CTNNA3: variants seen among roughly 807,000 people sequenced by gnomAD.
CTNNA3 encodes catenin alpha 3.
CTNNA3 carries 76 observed loss-of-function variants against 95.7 expected under a neutral mutation model. The ratio of observed to expected loss-of-function variants is 0.79; its 90% confidence interval spans 0.66 to 0.96. The LOEUF is 0.96. Among genes scored for constraint, CTNNA3 ranks in the 40% least tolerant of loss-of-function variants. The pLI is 0.00. For missense variants in CTNNA3, 1,191 were observed against 1,089.8 expected, an observed-to-expected ratio of 1.09 and a Z score of -1.31; for synonymous variants, 431 against 374.4, an observed-to-expected ratio of 1.15 and a Z score of -1.74.
intron 2 of CTNNA3, among the ~76,000 whole-genome samples, chr10:67,645,509 C>T (rs1462515487): frequency 3.3e-5 from 5 of 152,008 alleles, no homozygotes; most frequent in African/African-American, 1.2e-4. Context: ...TTCCCTATTC[C>T]TACTCCTTAT....
chr10:66,822,120 T>C (rs1308743522), intron 7 of CTNNA3, among the ~76,000 whole-genome samples: 2 of 149,344 alleles, frequency 1.3e-5, no homozygotes, highest in African/African-American at 4.9e-5. Flanking sequence ...AAATATTACG[T>C]TTATATTTAT....
chr10:67,135,099 T>C (rs1342954673), intron 7 of CTNNA3, among the ~76,000 whole-genome samples: 3 of 151,956 alleles, frequency 2.0e-5, no homozygotes, highest in East Asian at 1.9e-4. Context: ...ATGGGAAGGG[T>C]TGGGAGATGA....
At chr10:67,500,420 G>A (rs1199823072) in intron 5 of CTNNA3, among the ~76,000 whole-genome samples, 1 of 152,202 alleles carries the variant, frequency 6.6e-6, no homozygotes, top group Non-Finnish European at 1.5e-5. Flanking sequence ...ATTTCGGGTG[G>A]AGAGTTCTGT....
chr10:65,923,070 G>A (rs2077115267), intron 17 of CTNNA3, among the ~76,000 whole-genome samples: 1 of 152,220 alleles, frequency 6.6e-6, no homozygotes, highest in Non-Finnish European at 1.5e-5. Flanking sequence ...GGAATTACAG[G>A]TCGCTCCCTC....
chr10:67,553,307 T>C (rs1008932861), intron 3 of CTNNA3, among the ~76,000 whole-genome samples: 36 of 150,598 alleles, frequency 2.4e-4, no homozygotes, highest in African/African-American at 8.0e-4. Context: ...AAAATTTAAT[T>C]CATTTTACCT....
intron 2 of CTNNA3, among the ~76,000 whole-genome samples, chr10:67,640,576 G>A (rs887973768): frequency 2.6e-5 from 4 of 152,290 alleles, no homozygotes; most frequent in African/African-American, 9.6e-5. Flanking sequence ...AACAAAGCTG[G>A]AGGCATCACA....
intron 7 of CTNNA3, among the ~76,000 whole-genome samples, chr10:66,903,288 C>T (rs1176648553): frequency 1.3e-5 from 2 of 152,126 alleles, no homozygotes; most frequent in South Asian, 2.1e-4. Context: ...ATACAATTAT[C>T]TGAATAGATG....
At chr10:67,029,482 G>C (rs981034911) in intron 7 of CTNNA3, among the ~76,000 whole-genome samples, 1 of 152,078 alleles carries the variant, frequency 6.6e-6, no homozygotes, top group South Asian at 2.1e-4. Flanking sequence ...CATGATAACC[G>C]GTGGGTACTC....
At chr10:67,541,201 A>G (rs931296374) in intron 3 of CTNNA3, among the ~76,000 whole-genome samples, 1 of 151,912 alleles carries the variant, frequency 6.6e-6, no homozygotes, top group African/African-American at 2.4e-5. Flanking sequence ...CAAGGGGCAA[A>G]TGAATTTTAA....
intron 7 of CTNNA3, among the ~76,000 whole-genome samples, chr10:67,066,795 A>T (rs1049633583): frequency 6.6e-6 from 1 of 152,218 alleles, no homozygotes; most frequent in Non-Finnish European, 1.5e-5. Flanking sequence ...ACTTAGACAC[A>T]TCTCTTCTAG....
chr10:65,963,784 A>G (rs1220098583), intron 17 of CTNNA3, among the ~76,000 whole-genome samples: 1 of 152,228 alleles, frequency 6.6e-6, no homozygotes, highest in East Asian at 1.9e-4. Context: ...ATGCAACTTC[A>G]AGATGAGTGC....
chr10:67,369,186 T>C (rs1242203150), intron 5 of CTNNA3, among the ~76,000 whole-genome samples: 4 of 152,116 alleles, frequency 2.6e-5, no homozygotes, highest in African/African-American at 9.7e-5. Flanking sequence ...TGCTGTAAGA[T>C]GAATAGGAAG....
rs572502376 is a variant in CTNNA3 at position 66,237,750 on chromosome 10, C to A, written c.1884+42720G>T. The stretch of plus-strand genomic sequence containing the variant: ...TTTTTTTCAAAGTATCAGTAATTTA[C>A]AAAATTGCACAGCACATTAGTCAAG... On this transcript the variant is annotated intron_variant, in intron 13 of 17. Transcript: ENST00000433211. Among the ~76,000 whole-genome samples the A allele has an allele frequency of 3.1e-3, 470 of 152,002 alleles. 3 individuals are homozygous for A. Among genetic ancestry groups the A allele is most frequent in the African/African-American group, 0.011 (455 of 41,486 alleles).
At chr10:66,059,463 A>G (rs1208776730) in intron 15 of CTNNA3, among the ~76,000 whole-genome samples, 1 of 152,048 alleles carries the variant, frequency 6.6e-6, no homozygotes, top group Non-Finnish European at 1.5e-5. Flanking sequence ...TACTTTCCCT[A>G]TTTATATCTC....
intron 15 of CTNNA3, among the ~76,000 whole-genome samples, chr10:66,041,689 C>A (rs1372771755): frequency 2.4e-4 from 37 of 152,130 alleles, no homozygotes. Flanking sequence ...GCCTCTCTCT[C>A]ACTCCCCACA....
chr10:67,718,776 T>G (rs1486294868), intron 1 of CTNNA3, among the ~76,000 whole-genome samples: 1 of 152,206 alleles, frequency 6.6e-6, no homozygotes, highest in African/African-American at 2.4e-5. Flanking sequence ...TTTTTTGTTG[T>G]ATCTCTGCCA....
At chr10:66,415,782 T>C (rs1265112182) in intron 11 of CTNNA3, among the ~76,000 whole-genome samples, 1 of 152,186 alleles carries the variant, frequency 6.6e-6, no homozygotes. Context: ...CTAATTCATG[T>C]ACCTAGAATT....
intron 12 of CTNNA3, among the ~76,000 whole-genome samples, chr10:66,365,327 T>G (rs555322792): frequency 6.6e-6 from 1 of 151,746 alleles, no homozygotes; most frequent in South Asian, 2.1e-4. Context: ...TAAGTGGGAG[T>G]TGAACAATGA....
chr10:66,290,863 G>A (rs967908455), intron 12 of CTNNA3, among the ~76,000 whole-genome samples: 4 of 152,082 alleles, frequency 2.6e-5, no homozygotes, highest in African/African-American at 9.7e-5. Context: ...GGTTTATCAG[G>A]CAAAAGAACT....
Sources: allele counts gnomAD v4.1 joint callset (sites outside exome capture counted in the v4.1 genomes callset), GRCh38; gene constraint gnomAD v4.1.1; transcripts MANE v1.5; gene names NCBI Gene and HGNC (gene_info 2026-07-23, HGNC 2026-07-21).